Variants in PTPRD observed in about 807,000 individuals in gnomAD.
PTPRD encodes receptor-type tyrosine-protein phosphatase delta.
PTPRD carries 34 observed loss-of-function variants against 214.5 expected under a neutral mutation model. The observed-to-expected ratio is 0.16, with a 90% CI of 0.12 to 0.21. The LOEUF (loss-of-function observed/expected upper bound fraction) is 0.21, where lower values mean the gene tolerates loss of function less well. Among genes scored for constraint, PTPRD ranks in the 10% least tolerant of loss-of-function variants. The pLI, the probability that PTPRD is intolerant of heterozygous loss-of-function variation, is 1.00. For missense variants in PTPRD, 2,545 were observed against 2,398.7 expected (o/e 1.06, Z -1.27); for synonymous variants, 1,128 against 845.7 (o/e 1.33, Z -5.79).
chr9:8,519,756 A>T (rs1363126721), intron 20 of PTPRD, among the ~76,000 whole-genome samples: 1 of 152,212 alleles, frequency 6.6e-6, no homozygotes, highest in East Asian at 1.9e-4. Flanking sequence ...TTTGCCATTA[A>T]GATTCACTCT....
rs943825096 is a variant in PTPRD, at chr9:8,770,195, T to C, written c.-103-36249A>G. Among the ~76,000 whole-genome samples, 11 of 152,086 alleles carry C rather than the reference T, an allele frequency of 7.2e-5. No individual in the cohort carries two copies. In the South Asian group the frequency reaches 1.0e-3, roughly 14 times the overall value. ...ACTCGGGGGGCTGAGGCAGAGAGAA[T>C]TGCTTGAACCGGGAGAAGTGGAGGT... On this transcript the variant is annotated intron_variant, in intron 11 of 45. Coordinates refer to ENST00000381196, the MANE Select transcript of PTPRD (RefSeq NM_002839.4).
intron 3 of PTPRD, among the ~76,000 whole-genome samples, chr9:10,192,445 G>GAAAAAAAAAAAAA (rs552289562): frequency 1.4e-5 from 1 of 72,646 alleles, no homozygotes; most frequent in Non-Finnish European, 2.6e-5. Flanking sequence ...CACGATCCAG[G>GAAAAAAAAAAAAA]AAAAAAAAAA....
At chr9:9,071,306 G>C (rs1411234550) in intron 10 of PTPRD, among the ~76,000 whole-genome samples, 2 of 152,190 alleles carry the variant, frequency 1.3e-5, no homozygotes, top group Non-Finnish European at 2.9e-5. Context: ...TATGGCAAAG[G>C]TGAAGGGCTA....
chr9:9,815,886 T>C (rs1337781843), intron 5 of PTPRD, among the ~76,000 whole-genome samples: 1 of 152,154 alleles, frequency 6.6e-6, no homozygotes, highest in Non-Finnish European at 1.5e-5. Flanking sequence ...CTAAGAAAGA[T>C]GCTAAGTCCA....
intron 3 of PTPRD, among the ~76,000 whole-genome samples, chr9:10,232,195 A>C (rs1322602130): frequency 6.6e-6 from 1 of 151,818 alleles, no homozygotes. Context: ...CCCAGCCTGC[A>C]GGACCTTGAG....
chr9:9,579,553 G>A lies in PTPRD; in HGVS notation c.-286-4772C>T, dbSNP rs1021829548. Among the ~76,000 whole-genome samples, 6 of 151,718 alleles carry A rather than the reference G, an allele frequency of 4.0e-5. No homozygotes were observed. In the East Asian group the frequency reaches 5.8e-4, roughly 15 times the overall value. On this transcript the variant is annotated intron_variant, in intron 7 of 45. Coordinates refer to ENST00000381196, the MANE Select transcript of PTPRD (RefSeq NM_002839.4). The stretch of plus-strand genomic sequence containing the variant: ...ATCACCTAGGTATTAAGCCCAGCAT[G>A]CATGATCTTTTTTCCCTAATCCTCC...
intron 5 of PTPRD, among the ~76,000 whole-genome samples, chr9:9,779,279 C>A (rs530600262): frequency 6.6e-6 from 1 of 151,862 alleles, no homozygotes; most frequent in African/African-American, 2.4e-5. Context: ...AAATACACTT[C>A]CAGACATTGG....
chr9:10,012,562 C>A (rs1272149954), intron 4 of PTPRD, among the ~76,000 whole-genome samples: 1 of 151,866 alleles, frequency 6.6e-6, no homozygotes, highest in Non-Finnish European at 1.5e-5. Flanking sequence ...GATTACTAAA[C>A]TATAAGAGAG....
At chr9:9,866,837 A>T (rs2064084082) in intron 5 of PTPRD, among the ~76,000 whole-genome samples, 1 of 152,178 alleles carries the variant, frequency 6.6e-6, no homozygotes, top group Non-Finnish European at 1.5e-5. Context: ...AACTTCAGTA[A>T]TGCTACTCAA....
chr9:9,895,983 G>A (rs2074855263), intron 5 of PTPRD, among the ~76,000 whole-genome samples: 1 of 152,034 alleles, frequency 6.6e-6, no homozygotes, highest in Non-Finnish European at 1.5e-5. Context: ...TGAATGATGG[G>A]TAGCTAAAGG....
At chr9:8,918,269 T>A (rs182757093) in intron 11 of PTPRD, among the ~76,000 whole-genome samples, 2 of 152,022 alleles carry the variant, frequency 1.3e-5, no homozygotes, top group East Asian at 3.9e-4. Context: ...ACTCTTAAAA[T>A]AGAGAGAAAG....
intron 11 of PTPRD, among the ~76,000 whole-genome samples, chr9:8,932,857 G>A (rs555344878): frequency 1.2e-3 from 184 of 150,264 alleles, no homozygotes; most frequent in African/African-American, 4.4e-3. Context: ...CCTGGCTTCC[G>A]TCGCCTTTCC....
chr9:8,893,389 G>A (rs368245241), intron 11 of PTPRD, among the ~76,000 whole-genome samples: 1 of 152,266 alleles, frequency 6.6e-6, no homozygotes, highest in African/African-American at 2.4e-5. Flanking sequence ...GCTGAGTGTG[G>A]AAAACAAAAG....
intron 4 of PTPRD, among the ~76,000 whole-genome samples, chr9:10,029,958 C>T (rs2097022766): frequency 6.6e-6 from 1 of 152,064 alleles, no homozygotes; most frequent in African/African-American, 2.4e-5. Context: ...GGGGGCGGGT[C>T]TTTTCTGTGC....
chr9:8,580,836 A>C (rs1043594852), intron 14 of PTPRD, among the ~76,000 whole-genome samples: 1 of 152,222 alleles, frequency 6.6e-6, no homozygotes, highest in East Asian at 1.9e-4. Context: ...AATTTTTCGC[A>C]ATGATAGAAA....
chr9:10,541,315 G>C (rs1312277496), intron 2 of PTPRD, among the ~76,000 whole-genome samples: 2 of 152,074 alleles, frequency 1.3e-5, no homozygotes, highest in African/African-American at 4.8e-5. Context: ...CATTTCCACA[G>C]AAAAACATAT....
intron 3 of PTPRD, among the ~76,000 whole-genome samples, chr9:10,199,108 G>C (rs997220543): frequency 6.6e-6 from 1 of 151,574 alleles, no homozygotes; most frequent in African/African-American, 2.4e-5. Flanking sequence ...ATAGAAGAGA[G>C]ATCACATTCT....
intron 2 of PTPRD, among the ~76,000 whole-genome samples, chr9:10,401,584 CA>C (rs2098270353): frequency 6.8e-6 from 1 of 147,766 alleles, no homozygotes; most frequent in African/African-American, 2.5e-5. Context: ...TATATATAAA[CA>C]GGTACATACA....
At chr9:10,128,230 T>C (rs567879323) in intron 3 of PTPRD, among the ~76,000 whole-genome samples, 1 of 152,264 alleles carries the variant, frequency 6.6e-6, no homozygotes, top group South Asian at 2.1e-4. Context: ...AATTAATATG[T>C]TGAAGCCTAA....
Sources: gnomAD v4.1 joint callset for allele counts (sites outside exome capture counted in the v4.1 genomes callset) on GRCh38, gnomAD v4.1.1 for gene constraint, MANE v1.5 for transcripts, NCBI Gene and HGNC (gene_info 2026-07-23, HGNC 2026-07-21) for gene names.